GRAP: variants seen among roughly 807,000 people sequenced by gnomAD.
GRAP encodes GRB2-related adapter protein.
Under a neutral mutation model 9.1 loss-of-function variants are expected in GRAP, and 2 were observed. The ratio of observed to expected loss-of-function variants is 0.22; its 90% CI spans 0.09 to 0.69. GRAP has a LOEUF of 0.69. Ranked by LOEUF, GRAP falls within the 30% of genes least tolerant of loss-of-function variation. The probability of loss-of-function intolerance (pLI) is 0.81; values close to 1 mark genes in which losing one functional copy is unlikely to be tolerated. For synonymous variants in GRAP, 68 were observed against 73.6 expected (o/e 0.92, Z 0.39); for missense variants, 113 against 179.4 (o/e 0.63, Z 2.12).
At chr17:19,025,260 C>G (rs553860530) in intron 3 of GRAP, among the ~76,000 whole-genome samples, 31 of 148,254 alleles carry the variant, frequency 2.1e-4, no homozygotes, top group Admixed American at 2.0e-3. Flanking sequence ...GGCGCTATCT[C>G]GGCTCACTGC....
Position 19,021,947 on chromosome 17 carries a change from C to T in GRAP, c.*12G>A. 6.7e-7 allele frequency: 1 copy of T among 1,503,032 alleles called. No homozygotes were observed. The highest frequency in any genetic ancestry group is 8.9e-7 in the Non-Finnish European group (1 of 1,127,028). 93.1% of individuals were successfully genotyped at this position (1,503,032 alleles called of 1,614,324 possible). ...TAAAAAGGCCCGTTGGCCAGATCGG[C>T]CGCCGGGCTGCTCACAGGTGCACGG... On this transcript the variant is annotated 3_prime_UTR_variant, in exon 5 of 5. Transcript: ENST00000284154. This position sits in a 1 kb window ranked among gnomAD's most constrained non-coding sequence, Gnocchi z 4.1.
chr17:19,025,334 G>A (rs1057394022), intron 3 of GRAP, among the ~76,000 whole-genome samples: 1 of 150,782 alleles, frequency 6.6e-6, no homozygotes, highest in Non-Finnish European at 1.5e-5. Context: ...TGGGATTACA[G>A]GTGCCCGCCA....
rs925031909 is a variant in GRAP at position 19,021,524 on chromosome 17, CT to C, written c.*434del. The stretch of plus-strand genomic sequence containing the variant: ...CAACAGCCTGAACAACTCCAGGGGC[CT>C]TTTGAGGGAGGGGCAGGCAGGCCCA... On this transcript the variant is annotated 3_prime_UTR_variant, in exon 5 of 5. Transcript: ENST00000284154. This position sits in a 1 kb window ranked among gnomAD's most constrained non-coding sequence, Gnocchi z 4.1. 3.3e-6 allele frequency: 1 copy of C among 298,910 alleles called. No individual in the cohort carries two copies. Among genetic ancestry groups the C allele is most frequent in the Non-Finnish European group, 6.1e-6 (1 of 162,608 alleles). 18.5% of individuals were successfully genotyped at this position (298,910 alleles called of 1,614,324 possible).
At position 19,021,506 on chromosome 17, in the gene GRAP, C is replaced by G. The variant is rs978257417; in HGVS notation, c.*453G>C. On this transcript the variant is annotated 3_prime_UTR_variant, in exon 5 of 5. Coordinates refer to ENST00000284154, the MANE Select transcript of GRAP (RefSeq NM_006613.4). This position sits in a 1 kb window ranked among gnomAD's most constrained non-coding sequence, Gnocchi z 4.1. ...CGAGGCTGAGCCACCTCCCAACAGC[C>G]TGAACAACTCCAGGGGCCTTTTGAG... The G allele has an allele frequency of 7.5e-6, 2 of 267,978 alleles. No homozygotes were observed. The highest frequency in any genetic ancestry group is 1.4e-5 in the Non-Finnish European group (2 of 143,090). The allele number at this position is 267,978 out of a possible 1,614,324, so 16.6% of individuals were successfully genotyped here. A position where few individuals can be genotyped will look rare whatever the true frequency, so the allele number is the denominator to read the frequency against.
rs926834268 is a variant in GRAP at position 19,021,090 on chromosome 17, T to TA, written c.*868dup. The stretch of plus-strand genomic sequence containing the variant: ...GGGTAGGGGCCGTGCCCCACCTAGG[T>TA]AGCCGTCCCATGTGGGATCCTGTAG... On this transcript the variant is annotated 3_prime_UTR_variant, in exon 5 of 5. Transcript: ENST00000284154. This position sits in a 1 kb window ranked among gnomAD's most constrained non-coding sequence, Gnocchi z 4.1. 1.3e-5 allele frequency: 2 copies of TA among 152,404 alleles called. No homozygotes were observed. The highest frequency in any genetic ancestry group is 4.8e-5 in the African/African-American group (2 of 41,430). The allele number at this position is 152,404 out of a possible 1,614,324, so 9.4% of individuals were successfully genotyped here. A position where few individuals can be genotyped will look rare whatever the true frequency, so the allele number is the denominator to read the frequency against.
intron 3 of GRAP, among the ~76,000 whole-genome samples, chr17:19,027,482 G>A (rs62066655): frequency 0.034 from 3,946 of 115,580 alleles, 144 homozygotes; most frequent in East Asian, 0.12. Flanking sequence ...GCGCGCGCGC[G>A]CGCACACACA....
At position 19,021,520 on chromosome 17, in the gene GRAP, G is replaced by T; in HGVS notation, c.*439C>A. ...CTCCCAACAGCCTGAACAACTCCAG[G>T]GGCCTTTTGAGGGAGGGGCAGGCAG... On this transcript the variant is annotated 3_prime_UTR_variant, in exon 5 of 5. Coordinates refer to ENST00000284154, the MANE Select transcript of GRAP (RefSeq NM_006613.4). The surrounding 1 kb of genome is among the most constrained non-coding windows in gnomAD (Gnocchi z 4.1). 3.4e-6 allele frequency: 1 copy of T among 292,980 alleles called. No individual in the cohort carries two copies. The highest frequency in any genetic ancestry group is 6.3e-6 in the Non-Finnish European group (1 of 158,786). The allele number at this position is 292,980 out of a possible 1,614,324, so 18.1% of individuals were successfully genotyped here. A position where few individuals can be genotyped will look rare whatever the true frequency, so the allele number is the denominator to read the frequency against.
intron 3 of GRAP, among the ~76,000 whole-genome samples, chr17:19,025,556 C>T (rs2044308703): frequency 1.4e-5 from 2 of 138,496 alleles, no homozygotes; most frequent in African/African-American, 2.7e-5. Flanking sequence ...ATCGCCAAAT[C>T]GCCCCAAGTA....
chr17:19,022,076 G>A lies in GRAP; in HGVS notation c.537C>T (p.Phe179=). 6.3e-7 allele frequency: 1 copy of A among 1,591,890 alleles called. No individual in the cohort carries two copies. Among genetic ancestry groups the A allele is most frequent in the Non-Finnish European group, 8.5e-7 (1 of 1,169,996 alleles). Reference sequence around the variant, plus strand: ...GGACCTCAATGATGTCGCCACGGCGGAAGCTGAGCTGCGAGGGGTCCTGGG... The same window carrying A: ...GGACCTCAATGATGTCGCCACGGCGAAAGCTGAGCTGCGAGGGGTCCTGGG... ...FSAQDPSQLS[F]RRGDIIEVLE... Residue 179 remains phenylalanine, a synonymous_variant, in exon 5 of 5, where the codon TTC becomes TTT. Transcript: ENST00000284154.
At chr17:19,029,960 G>A (rs1225557215) in intron 3 of GRAP, among the ~76,000 whole-genome samples, 3 of 60,604 alleles carry the variant, frequency 5.0e-5, no homozygotes, top group East Asian at 4.1e-4. Flanking sequence ...GTGTGAGAGC[G>A]TCTCCATTGT....
At chr17:19,027,885 CTT>C (rs1242300155) in intron 3 of GRAP, among the ~76,000 whole-genome samples, 12 of 103,144 alleles carry the variant, frequency 1.2e-4, no homozygotes, top group Admixed American at 2.1e-4. Context: ...CCACTTCTCC[CTT>C]TTTTTTTTTT....
At chr17:19,027,885 CTTTT>C (rs1242300155) in intron 3 of GRAP, among the ~76,000 whole-genome samples, 2 of 103,146 alleles carry the variant, frequency 1.9e-5, no homozygotes, top group Admixed American at 2.1e-4. Context: ...CCACTTCTCC[CTTTT>C]TTTTTTTTTT....
Position 19,043,545 on chromosome 17 carries a change from C to G in GRAP, c.79-1641G>C, listed in dbSNP as rs202113780. ...TCAGGAGGCTGAGGCAGGAGAATCACTTGAACCCGGGAGCTGGAGGCTGCA... is the reference window on the plus strand; with the variant it reads ...TCAGGAGGCTGAGGCAGGAGAATCAGTTGAACCCGGGAGCTGGAGGCTGCA... On this transcript the variant is annotated intron_variant, in intron 1 of 4. Transcript: ENST00000284154. 7.9e-3 allele frequency among the ~76,000 whole-genome samples: 1,200 copies of G among 152,262 alleles called. 53 individuals carry two copies. The East Asian group carries it at 0.13, about 17-fold the overall frequency.
In GRAP at chr17:19,024,453, G is replaced by A. The variant is rs566303050; in HGVS notation, c.300-70C>T. The A allele has an allele frequency of 5.2e-6, 8 of 1,546,340 alleles. No individual in the cohort carries two copies. Among genetic ancestry groups the A allele is most frequent in the Admixed American group, 1.9e-5 (1 of 52,382 alleles). ...GCCTGGCATGGTCCCAGGGGCTCCCGTCTCACTACCACCTGGAACCAGCCT... is the reference window on the plus strand; with the variant it reads ...GCCTGGCATGGTCCCAGGGGCTCCCATCTCACTACCACCTGGAACCAGCCT... On this transcript the variant is annotated intron_variant, in intron 3 of 4. Transcript: ENST00000284154. The surrounding 1 kb of genome is among the most constrained non-coding windows in gnomAD (Gnocchi z 4.2).
chr17:19,024,462 C>A lies in GRAP; in HGVS notation c.300-79G>T, dbSNP rs2044297610. ...GGTCCCAGGGGCTCCCGTCTCACTACCACCTGGAACCAGCCTGTCTCACGG... is the reference window on the plus strand; with the variant it reads ...GGTCCCAGGGGCTCCCGTCTCACTAACACCTGGAACCAGCCTGTCTCACGG... On this transcript the variant is annotated intron_variant, in intron 3 of 4. Transcript: ENST00000284154. This position sits in a 1 kb window ranked among gnomAD's most constrained non-coding sequence, Gnocchi z 4.2. The A allele has an allele frequency of 6.6e-7, 1 of 1,525,950 alleles. No individual in the cohort carries two copies. Among genetic ancestry groups the A allele is most frequent in the South Asian group, 1.2e-5 (1 of 80,678 alleles). 94.5% of individuals were successfully genotyped at this position (1,525,950 alleles called of 1,614,324 possible). A position where few individuals can be genotyped will look rare whatever the true frequency, so the allele number is the denominator to read the frequency against.
chr17:19,027,576 CA>C (rs1365922381), intron 3 of GRAP, among the ~76,000 whole-genome samples: 1 of 139,240 alleles, frequency 7.2e-6, no homozygotes, highest in East Asian at 2.2e-4. Flanking sequence ...AATTTGGTCG[CA>C]ATACATTTGC....
chr17:19,025,102 G>C (rs2044303292), intron 3 of GRAP, among the ~76,000 whole-genome samples: 1 of 152,032 alleles, frequency 6.6e-6, no homozygotes, highest in African/African-American at 2.4e-5. Flanking sequence ...TCTGTGCCCT[G>C]CCTTCCAGCC....
At chr17:19,031,595 T>C (rs1195844560) in intron 3 of GRAP, 4 of 135,292 alleles carry the variant, frequency 3.0e-5, no homozygotes, top group African/African-American at 1.1e-4. Flanking sequence ...AATATAATTA[T>C]GATAACTGGC....
rs1204704388 is a variant in GRAP at position 19,024,131 on chromosome 17, T to C, written c.468+84A>G. 1.5e-6 allele frequency: 2 copies of C among 1,351,766 alleles called. No individual in the cohort carries two copies. Among genetic ancestry groups the C allele is most frequent in the East Asian group, 2.5e-5 (1 of 39,744 alleles). 83.7% of individuals were successfully genotyped at this position (1,351,766 alleles called of 1,614,324 possible). A position where few individuals can be genotyped will look rare whatever the true frequency, so the allele number is the denominator to read the frequency against. On this transcript the variant is annotated intron_variant, in intron 4 of 4. Transcript: ENST00000284154. This position sits in a 1 kb window ranked among gnomAD's most constrained non-coding sequence, Gnocchi z 4.2. ...GGGGAAGTGAGACCAGGCCCGTGCT[T>C]GGCCTCAGTGTCAGCATCTCCCCTG...
Sources: allele counts gnomAD v4.1 joint callset (sites outside exome capture counted in the v4.1 genomes callset), GRCh38; gene constraint gnomAD v4.1.1; non-coding constraint Gnocchi (gnomAD v3.1); transcripts MANE v1.5; gene names NCBI Gene and HGNC (gene_info 2026-07-23, HGNC 2026-07-21).